FAM117B: variants seen among roughly 807,000 people sequenced by gnomAD.
The protein encoded by FAM117B is family with sequence similarity 117 member B.
In FAM117B, 22 loss-of-function variants were observed where a neutral mutation model predicts 52.8. The ratio of observed to expected loss-of-function variants is 0.42; its 90% CI spans 0.30 to 0.59. The LOEUF is 0.59. Ranked by LOEUF, FAM117B falls within the 20% of genes least tolerant of loss-of-function variation. The pLI, the probability that FAM117B is intolerant of heterozygous loss-of-function variation, is 0.22. For synonymous variants in FAM117B, 309 were observed against 324.1 expected, an observed-to-expected ratio of 0.95 and a Z score of 0.50; for missense variants, 678 against 802.6, an observed-to-expected ratio of 0.84 and a Z score of 1.88.
At chr2:202,744,611 T>C (rs541073033) in intron 4 of FAM117B, among the ~76,000 whole-genome samples, 9 of 152,150 alleles carry the variant, frequency 5.9e-5, no homozygotes, top group Admixed American at 5.9e-4. Context: ...GATGATATAT[T>C]CAAAGTGCTG....
At position 202,769,676 on chromosome 2, in the gene FAM117B, G is replaced by A. The variant is rs1278285529; in HGVS notation, c.*3912G>A. 3 of 152,542 alleles carry A rather than the reference G, an allele frequency of 2.0e-5. No individual in the cohort carries two copies. Among genetic ancestry groups the A allele is most frequent in the African/African-American group, 7.2e-5 (3 of 41,418 alleles). The allele number at this position is 152,542 out of a possible 1,614,324, so 9.4% of individuals were successfully genotyped here. ...ATCGGTATTGTTACGCTGTACTTAT[G>A]TATTCCCTGTACCTGAACACTTGTT... On this transcript the variant is annotated 3_prime_UTR_variant, in exon 8 of 8. Coordinates refer to ENST00000392238, the MANE Select transcript of FAM117B (RefSeq NM_173511.4).
At chr2:202,647,393 GA>G (rs1689888155) in intron 1 of FAM117B, among the ~76,000 whole-genome samples, 1 of 151,804 alleles carries the variant, frequency 6.6e-6, no homozygotes, top group Admixed American at 6.6e-5. Context: ...TTTCAAAACT[GA>G]AAAAAACAGT....
intron 1 of FAM117B, among the ~76,000 whole-genome samples, chr2:202,667,805 C>G (rs1213221782): frequency 6.6e-6 from 1 of 151,926 alleles, no homozygotes; most frequent in Non-Finnish European, 1.5e-5. Flanking sequence ...GGGATATTGA[C>G]AGATGAGGAG....
At chr2:202,726,886 TAACA>T (rs750297445) in intron 4 of FAM117B, among the ~76,000 whole-genome samples, 26 of 152,058 alleles carry the variant, frequency 1.7e-4, no homozygotes, top group Non-Finnish European at 3.5e-4. Context: ...GGTATGTATG[TAACA>T]AACCTGCATG....
intron 1 of FAM117B, among the ~76,000 whole-genome samples, chr2:202,638,408 G>A (rs1318333857): frequency 2.0e-5 from 3 of 152,248 alleles, no homozygotes; most frequent in Admixed American, 1.3e-4. Flanking sequence ...GTATTGGCAA[G>A]GTGTGGAGGA....
At chr2:202,690,809 T>G (rs913953808) in intron 1 of FAM117B, among the ~76,000 whole-genome samples, 30 of 152,166 alleles carry the variant, frequency 2.0e-4, no homozygotes, top group Admixed American at 1.8e-3. Context: ...AATACAGCCT[T>G]AGTTCACTTA....
intron 4 of FAM117B, among the ~76,000 whole-genome samples, chr2:202,727,907 G>T (rs769290704): frequency 2.2e-4 from 33 of 152,196 alleles, no homozygotes; most frequent in Non-Finnish European, 4.1e-4. Flanking sequence ...TAAAGGTATA[G>T]ACTTTTTCAA....
intron 2 of FAM117B, among the ~76,000 whole-genome samples, chr2:202,721,600 C>T (rs1347424667): frequency 6.6e-6 from 1 of 152,108 alleles, no homozygotes; most frequent in African/African-American, 2.4e-5. Context: ...ATACTAACTC[C>T]TTTAATTACC....
intron 2 of FAM117B, among the ~76,000 whole-genome samples, chr2:202,711,702 A>AT (rs1267052058): frequency 6.6e-6 from 1 of 152,144 alleles, no homozygotes; most frequent in Non-Finnish European, 1.5e-5. Context: ...TCTTTAATCC[A>AT]TTTTGATTTC....
At chr2:202,740,594 A>C (rs1559113425) in intron 4 of FAM117B, among the ~76,000 whole-genome samples, 1 of 152,164 alleles carries the variant, frequency 6.6e-6, no homozygotes, top group Non-Finnish European at 1.5e-5. Flanking sequence ...ATTACAGGAA[A>C]ATAGTGTGGA....
At chr2:202,684,295 G>A (rs1323118104) in intron 1 of FAM117B, among the ~76,000 whole-genome samples, 2 of 152,058 alleles carry the variant, frequency 1.3e-5, no homozygotes, top group Non-Finnish European at 2.9e-5. Context: ...TCAATATACA[G>A]TCCATCCTTA....
intron 1 of FAM117B, among the ~76,000 whole-genome samples, chr2:202,657,920 G>A (rs989197196): frequency 6.6e-6 from 1 of 152,014 alleles, no homozygotes; most frequent in East Asian, 1.9e-4. Context: ...CTGCTATGGG[G>A]ATTACAATAT....
At chr2:202,747,605 T>G (rs1469671137) in intron 4 of FAM117B, among the ~76,000 whole-genome samples, 1 of 152,206 alleles carries the variant, frequency 6.6e-6, no homozygotes, top group Non-Finnish European at 1.5e-5. Flanking sequence ...TTTACTAAAG[T>G]CGCTGGATAC....
intron 1 of FAM117B, among the ~76,000 whole-genome samples, chr2:202,639,015 A>G (rs1470891748): frequency 1.3e-5 from 2 of 152,232 alleles, no homozygotes; most frequent in African/African-American, 4.8e-5. Context: ...TTATCTGACT[A>G]AATCTGGAAG....
chr2:202,706,536 C>T (rs1690870952), intron 2 of FAM117B, among the ~76,000 whole-genome samples: 1 of 152,120 alleles, frequency 6.6e-6, no homozygotes, highest in Non-Finnish European at 1.5e-5. Context: ...ATTTGTTAAA[C>T]TAGAGGTATT....
intron 1 of FAM117B, among the ~76,000 whole-genome samples, chr2:202,670,485 T>A (rs1463670989): frequency 6.6e-6 from 1 of 151,954 alleles, no homozygotes; most frequent in African/African-American, 2.4e-5. Flanking sequence ...CGGGGTTTCA[T>A]GAAACACGTT....
intron 3 of FAM117B, among the ~76,000 whole-genome samples, chr2:202,725,672 T>C (rs1242685006): frequency 6.6e-6 from 1 of 152,236 alleles, no homozygotes; most frequent in Non-Finnish European, 1.5e-5. Flanking sequence ...GTACTCACTA[T>C]AACCATGATG....
chr2:202,667,451 T>G, intron 1 of FAM117B, among the ~76,000 whole-genome samples: 1 of 151,658 alleles, frequency 6.6e-6, no homozygotes, highest in East Asian at 1.9e-4. Context: ...TGTGTATGTG[T>G]GTCTGTGTGT....
At chr2:202,651,483 C>T (rs1689958216) in intron 1 of FAM117B, among the ~76,000 whole-genome samples, 1 of 151,880 alleles carries the variant, frequency 6.6e-6, no homozygotes, top group South Asian at 2.1e-4. Context: ...AGTGATTCTC[C>T]TGCCTCGGCC....
Sources: allele counts gnomAD v4.1 joint callset (sites outside exome capture counted in the v4.1 genomes callset), GRCh38; gene constraint gnomAD v4.1.1; transcripts MANE v1.5; gene names NCBI Gene and HGNC (gene_info 2026-07-23, HGNC 2026-07-21).